CRISPLD2: variants seen among roughly 807,000 people sequenced by gnomAD.
The protein encoded by CRISPLD2 is cysteine rich secretory protein LCCL domain containing 2.
In CRISPLD2, 47 loss-of-function variants were observed where a neutral mutation model predicts 71.1. The ratio of observed to expected loss-of-function variants is 0.66; its 90% CI spans 0.52 to 0.84. CRISPLD2 has a LOEUF of 0.84. Ranked by LOEUF, CRISPLD2 falls within the 40% of genes least tolerant of loss-of-function variation. The pLI, the probability that CRISPLD2 is intolerant of heterozygous loss-of-function variation, is 0.00. For missense variants in CRISPLD2, 830 were observed against 651.1 expected, an observed-to-expected ratio of 1.27 and a Z score of -2.99; for synonymous variants, 317 against 250.1, an observed-to-expected ratio of 1.27 and a Z score of -2.52.
At chr16:84,878,339 T>TC (rs2071539344) in intron 12 of CRISPLD2, among the ~76,000 whole-genome samples, 1 of 152,184 alleles carries the variant, frequency 6.6e-6, no homozygotes, top group Non-Finnish European at 1.5e-5. Context: ...TGGTGGCCAG[T>TC]CCCTCTCCCT....
At chr16:84,845,731 C>A in intron 2 of CRISPLD2, 55 bp from the exon 3 acceptor site, 1 of 1,209,472 alleles carries the variant, frequency 8.3e-7, no homozygotes, top group Non-Finnish European at 1.2e-6. Flanking sequence ...ATTTATGGTT[C>A]TTATGCCCCT....
At chr16:84,868,123 T>G (rs543974394) in intron 7 of CRISPLD2, among the ~76,000 whole-genome samples, 1 of 152,268 alleles carries the variant, frequency 6.6e-6, no homozygotes, top group Admixed American at 6.5e-5. Context: ...CCCTCTCTTC[T>G]TTTCATAACT....
rs1916898230 is a variant in CRISPLD2, at chr16:84,845,824, G to T, written c.279G>T (p.Trp93Cys). ...AACTGGAGAAGTCTGCTGCAGCGTGGGCCAGTCAGTGCATCTGGGAGCACG... is the reference window on the plus strand; with the variant it reads ...AACTGGAGAAGTCTGCTGCAGCGTGTGCCAGTCAGTGCATCTGGGAGCACG... Reference protein sequence around the residue: ...DDELEKSAAAWASQCIWEHGP... With the variant: ...DDELEKSAAACASQCIWEHGP... The change falls in exon 3 of 15, where the codon TGG becomes TGT. Residue 93 changes from tryptophan to cysteine, a missense_variant. Transcript: ENST00000262424. 16 of 1,613,996 alleles carry T rather than the reference G, an allele frequency of 9.9e-6. No homozygotes were observed. The highest frequency in any genetic ancestry group is 1.4e-5 in the Non-Finnish European group (16 of 1,179,910).
At chr16:84,860,262 C>A (rs1256188862) in intron 6 of CRISPLD2, among the ~76,000 whole-genome samples, 2 of 152,144 alleles carry the variant, frequency 1.3e-5, no homozygotes, top group African/African-American at 2.4e-5. Context: ...TTAGTGGGCC[C>A]AAATCAAGAA....
chr16:84,851,412 C>G (rs535245422), intron 5 of CRISPLD2, among the ~76,000 whole-genome samples: 2 of 152,328 alleles, frequency 1.3e-5, no homozygotes, highest in East Asian at 3.9e-4. Flanking sequence ...GCATGCTGGC[C>G]GCTGGCCACC....
Position 84,868,877 on chromosome 16 carries a change from A to G in CRISPLD2, c.880A>G (p.Met294Val), listed in dbSNP as rs72799568. ...MTQVVRCDTK[M>V]KDRCKGSTCN... ...CCAAGTCGTCAGATGTGACACCAAG[A>G]TGAAGGACAGGTGCAAAGGGTCCAC... The change falls in exon 8 of 15, where the codon ATG becomes GTG. Residue 294 changes from methionine to valine, a missense_variant. Met to Val is a conservative substitution (Grantham distance 21). Coordinates refer to ENST00000262424, the MANE Select transcript of CRISPLD2 (RefSeq NM_031476.4). 1.2e-6 allele frequency: 2 copies of G among 1,611,028 alleles called. No individual in the cohort carries two copies. Among genetic ancestry groups the G allele is most frequent in the East Asian group, 2.2e-5 (1 of 44,704 alleles).
chr16:84,850,742 G>A, intron 5 of CRISPLD2, 59 bp downstream of exon 5: 1 of 1,368,558 alleles, frequency 7.3e-7, no homozygotes, highest in Non-Finnish European at 1.0e-6. Context: ...GCTTGCCAGG[G>A]AGCACCCAGT....
intron 6 of CRISPLD2, among the ~76,000 whole-genome samples, chr16:84,857,035 C>T (rs1917258970): frequency 6.6e-6 from 1 of 152,196 alleles, no homozygotes; most frequent in Admixed American, 6.5e-5. Flanking sequence ...GGAAGAGGTC[C>T]AATGTAATTA....
Position 84,872,976 on chromosome 16 carries a change from C to T in CRISPLD2, c.982-16C>T. On this transcript the variant is annotated splice_polypyrimidine_tract_variant and intron_variant, in intron 9 of 14. Coordinates refer to ENST00000262424, the MANE Select transcript of CRISPLD2 (RefSeq NM_031476.4). The stretch of plus-strand genomic sequence containing the variant: ...GTTGAGAATGTGCCTCTGGTCTTCT[C>T]TTCCCTTCCCGCCAGTCGTCTAGCA... 1 of 1,600,632 alleles carries T rather than the reference C, an allele frequency of 6.2e-7. No homozygotes were observed. Among genetic ancestry groups the T allele is most frequent in the Non-Finnish European group, 8.5e-7 (1 of 1,174,128 alleles).
intron 14 of CRISPLD2, among the ~76,000 whole-genome samples, chr16:84,903,419 C>T (rs1205435321): frequency 6.6e-6 from 1 of 152,046 alleles, no homozygotes; most frequent in Non-Finnish European, 1.5e-5. Context: ...TGGTGACACC[C>T]CATCTCTACA....
chr16:84,821,197 T>C (rs1916222223), intron 1 of CRISPLD2, among the ~76,000 whole-genome samples: 1 of 152,172 alleles, frequency 6.6e-6, no homozygotes, highest in Admixed American at 6.5e-5. Flanking sequence ...CAGGGTCTGA[T>C]GTCTGACAGT....
intron 1 of CRISPLD2, 42 bp downstream of exon 1, chr16:84,820,175 C>T (rs918730634): frequency 1.1e-4 from 17 of 152,034 alleles, no homozygotes; most frequent in African/African-American, 4.1e-4. Context: ...CAAACTGTTA[C>T]CCCCCCGAGA....
chr16:84,894,292 G>A (rs1030139951), intron 14 of CRISPLD2, among the ~76,000 whole-genome samples: 1 of 152,220 alleles, frequency 6.6e-6, no homozygotes. Context: ...ACATCTGGGT[G>A]AATGTCAGTT....
chr16:84,853,752 G>A (rs547051827), intron 5 of CRISPLD2, among the ~76,000 whole-genome samples: 26 of 152,310 alleles, frequency 1.7e-4, no homozygotes, highest in Non-Finnish European at 2.5e-4. Context: ...AGCCTTCCCC[G>A]TGAGTCAGGT....
chr16:84,903,594 A>C (rs569282704), intron 14 of CRISPLD2, among the ~76,000 whole-genome samples: 1 of 139,736 alleles, frequency 7.2e-6, no homozygotes, highest in Non-Finnish European at 1.5e-5. Flanking sequence ...TCTGTCTTAA[A>C]ATTTAAAAAA....
At chr16:84,865,337 G>C (rs968138016) in intron 6 of CRISPLD2, among the ~76,000 whole-genome samples, 1 of 152,072 alleles carries the variant, frequency 6.6e-6, no homozygotes, top group East Asian at 1.9e-4. Context: ...TGTATTTTTA[G>C]TAGAGACAGG....
At chr16:84,887,701 A>G (rs2071625169) in intron 13 of CRISPLD2, among the ~76,000 whole-genome samples, 1 of 152,164 alleles carries the variant, frequency 6.6e-6, no homozygotes, top group Non-Finnish European at 1.5e-5. Flanking sequence ...ATATGGAGAA[A>G]CCGTGTCTCT....
chr16:84,831,497 G>A (rs977155903), intron 1 of CRISPLD2, among the ~76,000 whole-genome samples: 8 of 152,140 alleles, frequency 5.3e-5, no homozygotes, highest in South Asian at 2.1e-4. Context: ...AGGCTCAAGC[G>A]ATCCTCCCGT....
intron 1 of CRISPLD2, among the ~76,000 whole-genome samples, chr16:84,831,070 G>C (rs1916476569): frequency 6.6e-6 from 1 of 152,228 alleles, no homozygotes; most frequent in African/African-American, 2.4e-5. Context: ...GGTCCAGGGA[G>C]GGAGGCTGAG....
Sources: gnomAD v4.1 joint callset for allele counts (sites outside exome capture counted in the v4.1 genomes callset) on GRCh38, gnomAD v4.1.1 for gene constraint, MANE v1.5 for transcripts, NCBI Gene and HGNC (gene_info 2026-07-23, HGNC 2026-07-21) for gene names.